PARD3: variants seen among roughly 807,000 people sequenced by gnomAD.
PARD3 encodes partitioning defective 3 homolog.
PARD3 carries 75 observed loss-of-function variants against 155.4 expected under a neutral mutation model. The ratio of observed to expected loss-of-function variants is 0.48; its 90% CI spans 0.40 to 0.58. The LOEUF (loss-of-function observed/expected upper bound fraction) is 0.58. Ranked by LOEUF, PARD3 falls within the 20% of genes least tolerant of loss-of-function variation. The pLI is 0.00. For synonymous variants in PARD3, 576 were observed against 610.5 expected (o/e 0.94, Z 0.83); for missense variants, 1,642 against 1,721.7 (o/e 0.95, Z 0.82).
chr10:34,370,807 GGTGTGTGTGTGTGTGT>G (rs3040369), intron 12 of PARD3, among the ~76,000 whole-genome samples: 9 of 145,672 alleles, frequency 6.2e-5, no homozygotes, highest in East Asian at 2.0e-4. Flanking sequence ...ATACAAATGG[GGTGTGTGTGTGTGTGT>G]GTGTGTGTGT....
At chr10:34,814,854 G>A (rs1408000489) in intron 1 of PARD3, 22 bp downstream of exon 1, 237 of 554,990 alleles carry the variant, frequency 4.3e-4, no homozygotes, top group Middle Eastern at 6.6e-4. Context: ...CCCCCTCCCC[G>A]CCCGCGCCCC....
At chr10:34,457,298 A>C (rs1251205709) in intron 4 of PARD3, among the ~76,000 whole-genome samples, 1 of 152,232 alleles carries the variant, frequency 6.6e-6, no homozygotes, top group Non-Finnish European at 1.5e-5. Context: ...AGAGCCAACC[A>C]GGGAATCCAA....
intron 20 of PARD3, among the ~76,000 whole-genome samples, chr10:34,304,233 T>G (rs990938204): frequency 2.0e-5 from 3 of 151,744 alleles, no homozygotes; most frequent in Non-Finnish European, 4.4e-5. Context: ...TTGTGTTCCA[T>G]GCCTGTAATC....
chr10:34,140,111 T>C (rs1240904876), intron 22 of PARD3, among the ~76,000 whole-genome samples: 1 of 152,120 alleles, frequency 6.6e-6, no homozygotes, highest in East Asian at 1.9e-4. Flanking sequence ...GCTTTTGTTT[T>C]TCGTTGTTTT....
At chr10:34,128,143 C>T (rs1199735862) in intron 23 of PARD3, among the ~76,000 whole-genome samples, 1 of 152,130 alleles carries the variant, frequency 6.6e-6, no homozygotes, top group Admixed American at 6.5e-5. Flanking sequence ...TCCCACATTG[C>T]CAGTTGCCCC....
chr10:34,567,889 G>C (rs2086084920), intron 2 of PARD3, among the ~76,000 whole-genome samples: 1 of 152,130 alleles, frequency 6.6e-6, no homozygotes, highest in South Asian at 2.1e-4. Flanking sequence ...AATTGTTGTA[G>C]GCTCTAGCTA....
intron 7 of PARD3, among the ~76,000 whole-genome samples, chr10:34,398,234 C>T (rs1843530929): frequency 6.6e-6 from 1 of 152,144 alleles, no homozygotes; most frequent in South Asian, 2.1e-4. Context: ...GAACTCACCA[C>T]AGTTACTTAC....
chr10:34,511,553 A>G (rs2133561203), intron 3 of PARD3, among the ~76,000 whole-genome samples: 1 of 152,276 alleles, frequency 6.6e-6, no homozygotes, highest in Non-Finnish European at 1.5e-5. Context: ...CTCACATGAC[A>G]AAGCGACAGA....
chr10:34,441,424 T>C lies in PARD3; in HGVS notation c.714+8893A>G, dbSNP rs146389111. On this transcript the variant is annotated intron_variant, in intron 5 of 24. Coordinates refer to ENST00000374788, the MANE Select transcript of PARD3 (RefSeq NM_001184785.2). ...GTATACAATGAAAATGAAGTTTGCA[T>C]AGTTTATCTTTCTTTATTTCTATAT... Among the ~76,000 whole-genome samples, 64 of 152,322 alleles carry C rather than the reference T, an allele frequency of 4.2e-4. 2 individuals are homozygous for C. The East Asian group carries it at 6.2e-3, about 15-fold the overall frequency.
At chr10:34,353,147 C>T (rs1334618161) in intron 14 of PARD3, among the ~76,000 whole-genome samples, 3 of 152,126 alleles carry the variant, frequency 2.0e-5, no homozygotes, top group Admixed American at 6.5e-5. Context: ...AGCCCCCGCC[C>T]GGCCAGCCGC....
At chr10:34,665,840 A>AAGAACAGAATAGAAC (rs2093441498) in intron 2 of PARD3, among the ~76,000 whole-genome samples, 1 of 136,584 alleles carries the variant, frequency 7.3e-6, no homozygotes, top group Non-Finnish European at 1.5e-5. Context: ...GTCTCAATTA[A>AAGAACAGAATAGAAC]AGAACAGAAC....
At chr10:34,315,485 C>T (rs977280421) in intron 20 of PARD3, among the ~76,000 whole-genome samples, 2 of 152,180 alleles carry the variant, frequency 1.3e-5, no homozygotes, top group African/African-American at 2.4e-5. Flanking sequence ...TTCAGTAAGA[C>T]GTCAGGAGAG....
chr10:34,249,958 AT>A (rs1954194316), intron 22 of PARD3, among the ~76,000 whole-genome samples: 1 of 152,170 alleles, frequency 6.6e-6, no homozygotes, highest in African/African-American at 2.4e-5. Flanking sequence ...ATGGATAGCA[AT>A]CTCATCTGGT....
chr10:34,535,620 G>A (rs1019378412), intron 2 of PARD3, among the ~76,000 whole-genome samples: 6 of 151,952 alleles, frequency 3.9e-5, no homozygotes, highest in East Asian at 3.9e-4. Flanking sequence ...GATTACAGGC[G>A]TGCACCATTA....
chr10:34,512,990 C>G (rs2081491145), intron 3 of PARD3, among the ~76,000 whole-genome samples: 1 of 151,986 alleles, frequency 6.6e-6, no homozygotes, highest in Non-Finnish European at 1.5e-5. Flanking sequence ...GTACAAATTC[C>G]TTTGATTTAA....
intron 22 of PARD3, among the ~76,000 whole-genome samples, chr10:34,223,736 A>G (rs2133494660): frequency 6.6e-6 from 1 of 152,362 alleles, no homozygotes; most frequent in South Asian, 2.1e-4. Flanking sequence ...ATCTATTAAT[A>G]ACTTCTTATG....
intron 2 of PARD3, among the ~76,000 whole-genome samples, chr10:34,656,126 A>C (rs1160704406): frequency 6.6e-6 from 1 of 152,140 alleles, no homozygotes; most frequent in Non-Finnish European, 1.5e-5. Flanking sequence ...TAATTTTTAA[A>C]ATTCCCTGCC....
At chr10:34,120,183 ATTTT>A (rs57670906) in intron 23 of PARD3, among the ~76,000 whole-genome samples, 4 of 113,668 alleles carry the variant, frequency 3.5e-5, no homozygotes, top group Non-Finnish European at 3.6e-5. Context: ...TGCCTGGCTA[ATTTT>A]TTTTTTTTTT....
chr10:34,450,184 T>C, intron 5 of PARD3, 133 bp downstream of exon 5: 1 of 764,562 alleles, frequency 1.3e-6, no homozygotes, highest in Non-Finnish European at 2.1e-6. Flanking sequence ...GACATAGAGA[T>C]TGGTACTTAA....
Sources: allele counts gnomAD v4.1 joint callset (sites outside exome capture counted in the v4.1 genomes callset), GRCh38; gene constraint gnomAD v4.1.1; transcripts MANE v1.5; gene names NCBI Gene and HGNC (gene_info 2026-07-23, HGNC 2026-07-21).